The following GPC4 variants were observed in gnomAD, a reference collection of about 807,000 sequenced individuals.
GPC4 encodes glypican 4.
In GPC4, 10 loss-of-function variants were observed where a neutral mutation model predicts 35.0. The ratio of observed to expected loss-of-function variants is 0.29; its 90% confidence interval spans 0.18 to 0.48. The LOEUF is 0.48. Ranked by LOEUF, GPC4 falls within the 20% of genes least tolerant of loss-of-function variation. The pLI is 0.99. For missense variants in GPC4, 322 were observed against 451.3 expected (o/e 0.71, Z 2.60); for synonymous variants, 167 against 170.2 (o/e 0.98, Z 0.15).
chrX:133,402,069 T>C (rs2068769430), intron 1 of GPC4, among the ~76,000 whole-genome samples: 3 of 112,174 alleles, frequency 2.7e-5, no homozygotes, highest in Admixed American at 1.9e-4. Context: ...GACTGCTTAC[T>C]CTGGCACCAA....
intron 2 of GPC4, among the ~76,000 whole-genome samples, chrX:133,330,834 T>C (rs898708569): frequency 1.8e-5 from 2 of 111,011 alleles, no homozygotes; most frequent in Non-Finnish European, 3.8e-5. Flanking sequence ...TCCTAGCTAC[T>C]AGGGAGGCTG....
At position 133,305,832 on chromosome X, in the gene GPC4, G is replaced by A; in HGVS notation, c.1095C>T (p.Phe365=). The A allele has an allele frequency of 8.3e-7, 1 of 1,212,062 alleles. No homozygotes were observed. Among genetic ancestry groups the A allele is most frequent in the Non-Finnish European group, 1.1e-6 (1 of 895,591 alleles). The change falls in exon 6 of 9, where the codon TTC becomes TTT. Residue 365 remains phenylalanine, a synonymous_variant. Transcript: ENST00000370828. ...SISESAFSAR[F]RPHHPEERPT... is the part of the protein sequence containing the mutation. Reference sequence around the variant, plus strand: ...GGCGTTCCTCGGGGTGATGTGGTCTGAAGCGAGCACTGAAGGCACTTTCAG... The same window carrying A: ...GGCGTTCCTCGGGGTGATGTGGTCTAAAGCGAGCACTGAAGGCACTTTCAG...
chrX:133,358,187 A>G (rs1473492940), intron 1 of GPC4, among the ~76,000 whole-genome samples: 1 of 112,093 alleles, frequency 8.9e-6, no homozygotes, highest in Non-Finnish European at 1.9e-5. Flanking sequence ...ACAAAATATT[A>G]AAGGTTGATT....
At chrX:133,409,794 T>G (rs769562121) in intron 1 of GPC4, among the ~76,000 whole-genome samples, 22 of 111,151 alleles carry the variant, frequency 2.0e-4, no homozygotes, top group Non-Finnish European at 3.8e-4. Context: ...ATCAAAGCAG[T>G]GATGTAAGGA....
intron 1 of GPC4, among the ~76,000 whole-genome samples, chrX:133,382,734 AAAAC>A (rs374971687): frequency 0.016 from 1,813 of 112,557 alleles, 38 homozygotes; most frequent in African/African-American, 0.048. Flanking sequence ...CTCCGTCTCA[AAAAC>A]AAACAAACAA....
intron 1 of GPC4, among the ~76,000 whole-genome samples, chrX:133,395,597 C>A (rs1357707100): frequency 8.9e-6 from 1 of 111,778 alleles, no homozygotes; most frequent in Non-Finnish European, 1.9e-5. Flanking sequence ...GCACTCCAGC[C>A]TGGGCAACAG....
intron 1 of GPC4, among the ~76,000 whole-genome samples, chrX:133,401,843 T>TA (rs1430324500): frequency 9.0e-6 from 1 of 111,639 alleles, no homozygotes; most frequent in South Asian, 3.8e-4. Flanking sequence ...TACTCCCCTT[T>TA]AAAAAAAATC....
At chrX:133,411,262 G>A (rs1285014529) in intron 1 of GPC4, among the ~76,000 whole-genome samples, 1 of 111,983 alleles carries the variant, frequency 8.9e-6, no homozygotes, top group East Asian at 2.8e-4. Flanking sequence ...ACAAAGTTCT[G>A]AGTATCATTC....
rs2068265088 is a variant in GPC4, at chrX:133,300,959, T to C, written c.*1908A>G. ...GCTATTTACAATCTATTTTCCCTTA[T>C]ATATAAATGGAGTGCCTTTTCAATT... is the stretch of plus-strand genomic sequence containing the variant. On this transcript the variant is annotated 3_prime_UTR_variant, in exon 9 of 9. Transcript: ENST00000370828. 9.0e-6 allele frequency: 1 copy of C among 110,991 alleles called. No homozygotes were observed. The highest frequency in any genetic ancestry group is 1.9e-5 in the Non-Finnish European group (1 of 53,143). The allele number at this position is 110,991 out of a possible 1,213,427, so 9.1% of individuals were successfully genotyped here. A position where few individuals can be genotyped will look rare whatever the true frequency, so the allele number is the denominator to read the frequency against.
chrX:133,384,621 G>A (rs1026251559), intron 1 of GPC4, among the ~76,000 whole-genome samples: 2 of 111,259 alleles, frequency 1.8e-5, no homozygotes, highest in Admixed American at 9.6e-5. Flanking sequence ...GGGCTATAGC[G>A]TGACAGGTAC....
intron 1 of GPC4, among the ~76,000 whole-genome samples, chrX:133,373,460 G>A (rs1441850098): frequency 9.0e-6 from 1 of 111,532 alleles, no homozygotes; most frequent in Non-Finnish European, 1.9e-5. Flanking sequence ...TGTCAAAAAG[G>A]TATGGTAATT....
chrX:133,316,346 A>G (rs1569342330), intron 3 of GPC4, among the ~76,000 whole-genome samples: 3 of 112,014 alleles, frequency 2.7e-5, no homozygotes, highest in African/African-American at 9.7e-5. Flanking sequence ...CCAAACCAGG[A>G]TTTGAATCTA....
intron 1 of GPC4, among the ~76,000 whole-genome samples, chrX:133,400,335 A>T (rs897451438): frequency 1.8e-5 from 2 of 112,471 alleles, no homozygotes; most frequent in African/African-American, 6.5e-5. Context: ...AGAAGGCCTT[A>T]TAGGCCCATA....
chrX:133,379,509 A>G (rs758771956), intron 1 of GPC4, among the ~76,000 whole-genome samples: 87 of 111,998 alleles, frequency 7.8e-4, no homozygotes, highest in African/African-American at 2.8e-3. Flanking sequence ...TGGTTGGATG[A>G]CACTGTTTAT....
intron 1 of GPC4, among the ~76,000 whole-genome samples, chrX:133,358,494 A>C (rs1330316720): frequency 8.9e-6 from 1 of 112,416 alleles, no homozygotes; most frequent in Admixed American, 9.4e-5. Flanking sequence ...CTAATAGCCA[A>C]TCATTTTGTT....
chrX:133,382,544 C>A (rs376329888), intron 1 of GPC4, among the ~76,000 whole-genome samples: 1 of 106,381 alleles, frequency 9.4e-6, no homozygotes, highest in African/African-American at 3.4e-5. Context: ...CTGGCTAACA[C>A]GGTGAAACCC....
intron 3 of GPC4, among the ~76,000 whole-genome samples, chrX:133,315,171 C>G (rs1171900947): frequency 2.8e-5 from 3 of 107,120 alleles, no homozygotes; most frequent in African/African-American, 1.0e-4. Flanking sequence ...CATCCCTAAA[C>G]CGAACACCCA....
rs200729281 is a variant in GPC4, at chrX:133,354,540, T to TTTTATTTA, written c.161-15207_161-15200dup. ...GGATCATAAACCATGCAAGGTCATG[T>TTTTATTTA]TTTATTTATTTATTTATTTATTTAT... is the stretch of plus-strand genomic sequence containing the variant. On this transcript the variant is annotated intron_variant, in intron 1 of 8. Coordinates refer to ENST00000370828, the MANE Select transcript of GPC4 (RefSeq NM_001448.3). 9.8e-4 allele frequency among the ~76,000 whole-genome samples: 94 copies of TTTTATTTA among 95,639 alleles called. 2 individuals carry two copies. Among genetic ancestry groups the TTTTATTTA allele is most frequent in the East Asian group, 1.7e-3 (5 of 3,004 alleles). 83.1% of individuals were successfully genotyped at this position (95,639 alleles called of 115,157 possible).
chrX:133,314,385 T>C (rs2068328145), intron 3 of GPC4, among the ~76,000 whole-genome samples: 1 of 111,869 alleles, frequency 8.9e-6, no homozygotes, highest in Admixed American at 9.5e-5. Flanking sequence ...AATAGGCTGA[T>C]GGAGGCTCAA....
Sources: allele counts gnomAD v4.1 joint callset (sites outside exome capture counted in the v4.1 genomes callset), GRCh38; gene constraint gnomAD v4.1.1; transcripts MANE v1.5; gene names NCBI Gene and HGNC (gene_info 2026-07-23, HGNC 2026-07-21).